Variants in FSTL4 observed in about 807,000 individuals in gnomAD.
FSTL4 encodes follistatin-related protein 4.
FSTL4 carries 28 observed loss-of-function variants against 78.2 expected under a neutral mutation model. That is an observed-to-expected ratio of 0.36 (90% confidence interval 0.27 to 0.49). FSTL4 has a LOEUF of 0.49. Ranked by LOEUF, FSTL4 falls within the 20% of genes least tolerant of loss-of-function variation. The probability of loss-of-function intolerance (pLI) is 0.98; values close to 1 mark genes in which losing one functional copy is unlikely to be tolerated. For missense variants in FSTL4, 922 were observed against 1,084.9 expected (o/e 0.85, Z 2.11); for synonymous variants, 422 against 440.5 (o/e 0.96, Z 0.53).
At chr5:133,832,580 C>T in the FSTL4 span, among the ~76,000 whole-genome samples, 6 of 152,342 alleles carry the variant, frequency 3.9e-5, no homozygotes, top group East Asian at 1.2e-3. Flanking sequence ...AATTTACCTT[C>T]GCTCTGCCCA....
intron 11 of FSTL4, among the ~76,000 whole-genome samples, chr5:133,222,140 G>A (rs951041921): frequency 2.6e-5 from 4 of 151,896 alleles, no homozygotes. Context: ...AACCTCAGCC[G>A]CCTCCAGCGT....
chr5:133,326,500 C>T (rs1754215940), intron 4 of FSTL4, among the ~76,000 whole-genome samples: 1 of 152,198 alleles, frequency 6.6e-6, no homozygotes, highest in Admixed American at 6.5e-5. Context: ...GTGTTTATGC[C>T]TGTCATTGGC....
chr5:133,645,079 C>T, the FSTL4 span, among the ~76,000 whole-genome samples: 134 of 152,164 alleles, frequency 8.8e-4, 1 homozygote, highest in Non-Finnish European at 1.5e-3. Context: ...TTTTTCTTCA[C>T]CTCTCCACTA....
intron 2 of FSTL4, among the ~76,000 whole-genome samples, chr5:133,589,387 G>A (rs945094671): frequency 6.6e-6 from 1 of 151,486 alleles, no homozygotes; most frequent in South Asian, 2.1e-4. Flanking sequence ...CTTAAAAGCA[G>A]AAACAGAGAC....
rs566981519 is a variant in FSTL4 at position 133,240,460 on chromosome 5, C to T, written c.895-6923G>A. On this transcript the variant is annotated intron_variant, in intron 7 of 15. Coordinates refer to ENST00000265342, the MANE Select transcript of FSTL4 (RefSeq NM_015082.2). ...GGGCAGCTGCATTCAGTGTGAGCAA[C>T]CTGGAGTGGGCCTGTCCTCCTGCTC... 1.5e-3 allele frequency among the ~76,000 whole-genome samples: 229 copies of T among 152,302 alleles called. 1 individual carries two copies. Among genetic ancestry groups the T allele is most frequent in the Middle Eastern group, 3.4e-3 (1 of 294 alleles).
At chr5:133,603,521 C>T (rs574996292) in intron 2 of FSTL4, among the ~76,000 whole-genome samples, 6 of 152,312 alleles carry the variant, frequency 3.9e-5, no homozygotes, top group South Asian at 2.1e-4. Context: ...CATGGGTGTG[C>T]TCCACCAATT....
the FSTL4 span, among the ~76,000 whole-genome samples, chr5:133,667,048 G>A: frequency 6.6e-6 from 1 of 152,098 alleles, no homozygotes; most frequent in Non-Finnish European, 1.5e-5. Flanking sequence ...TGTCTAATAG[G>A]CATTAAAAAC....
At chr5:133,255,252 T>C (rs1581573643) in intron 6 of FSTL4, among the ~76,000 whole-genome samples, 1 of 152,076 alleles carries the variant, frequency 6.6e-6, no homozygotes, top group African/African-American at 2.4e-5. Flanking sequence ...GAGGGCTGGG[T>C]TGGGGGTCAG....
chr5:133,482,134 A>T (rs1037883474), intron 3 of FSTL4, among the ~76,000 whole-genome samples: 1 of 152,262 alleles, frequency 6.6e-6, no homozygotes, highest in African/African-American at 2.4e-5. Context: ...GAAAAGTGGA[A>T]TCCCAAGACT....
chr5:133,198,850 C>A lies in FSTL4; in HGVS notation c.*245G>T. 2.5e-6 allele frequency: 1 copy of A among 401,722 alleles called. No individual in the cohort carries two copies. The highest frequency in any genetic ancestry group is 4.4e-6 in the Non-Finnish European group (1 of 225,100). 24.9% of individuals were successfully genotyped at this position (401,722 alleles called of 1,614,324 possible). ...TGTGCAGCTTGGCACAGAAATGATC[C>A]CTTTACACAGCAGCATATGTTCTCA... On this transcript the variant is annotated 3_prime_UTR_variant, in exon 16 of 16. Coordinates refer to ENST00000265342, the MANE Select transcript of FSTL4 (RefSeq NM_015082.2).
chr5:133,224,731 C>T (rs921509131), intron 10 of FSTL4, among the ~76,000 whole-genome samples: 2 of 152,194 alleles, frequency 1.3e-5, no homozygotes, highest in Non-Finnish European at 2.9e-5. Context: ...CTTAGCACAC[C>T]GATGGGCTGG....
At chr5:133,219,989 G>A (rs756276543) in intron 12 of FSTL4, among the ~76,000 whole-genome samples, 17 of 152,262 alleles carry the variant, frequency 1.1e-4, no homozygotes, top group Non-Finnish European at 2.5e-4. Flanking sequence ...AGCCACAAAT[G>A]AGAGAAATGG....
the FSTL4 span, among the ~76,000 whole-genome samples, chr5:133,763,896 C>T: frequency 6.6e-6 from 1 of 152,182 alleles, no homozygotes; most frequent in Admixed American, 6.5e-5. Context: ...AACAGAAAAA[C>T]ATGGCAGCAG....
chr5:133,437,680 G>A (rs927828912), intron 3 of FSTL4, among the ~76,000 whole-genome samples: 5 of 151,704 alleles, frequency 3.3e-5, no homozygotes, highest in East Asian at 3.9e-4. Flanking sequence ...TAGTAGAGAC[G>A]GGGTTTCGCC....
chr5:133,553,182 C>G (rs988588728), intron 3 of FSTL4, among the ~76,000 whole-genome samples: 1 of 152,184 alleles, frequency 6.6e-6, no homozygotes, highest in African/African-American at 2.4e-5. Flanking sequence ...GGGAGGAAGC[C>G]TAGGCTTGTC....
intron 3 of FSTL4, among the ~76,000 whole-genome samples, chr5:133,431,581 G>A (rs1241169399): frequency 6.6e-6 from 1 of 152,148 alleles, no homozygotes; most frequent in Non-Finnish European, 1.5e-5. Context: ...GGGTAACACT[G>A]GATAAGGCCC....
intron 3 of FSTL4, among the ~76,000 whole-genome samples, chr5:133,432,623 A>C (rs1197786727): frequency 1.3e-5 from 2 of 152,216 alleles, no homozygotes; most frequent in African/African-American, 2.4e-5. Context: ...GGCATCTGCT[A>C]TCTGCATGTG....
At chr5:133,575,221 C>T (rs1294776072) in intron 2 of FSTL4, 1 of 152,148 alleles carries the variant, frequency 6.6e-6, no homozygotes, top group African/African-American at 2.4e-5. Context: ...GTGGCCACAT[C>T]AGGACTAGAC....
the FSTL4 span, among the ~76,000 whole-genome samples, chr5:133,669,871 C>T: frequency 1.3e-3 from 202 of 152,196 alleles, 1 homozygote; most frequent in Non-Finnish European, 2.5e-3. Context: ...AAGTGCTAGG[C>T]TGAGCCTCTC....
Sources: gnomAD v4.1 joint callset for allele counts (sites outside exome capture counted in the v4.1 genomes callset) on GRCh38, gnomAD v4.1.1 for gene constraint, MANE v1.5 for transcripts, NCBI Gene and HGNC (gene_info 2026-07-23, HGNC 2026-07-21) for gene names.